SZT2: variants seen among roughly 807,000 people sequenced by gnomAD.
SZT2 encodes KICSTOR complex protein SZT2.
Under a neutral mutation model 404.2 loss-of-function variants are expected in SZT2, and 216 were observed. The ratio of observed to expected loss-of-function variants is 0.53; its 90% CI spans 0.48 to 0.60. SZT2 has a LOEUF of 0.60. SZT2 is among the 20% of genes least tolerant of loss of function. The pLI is 0.00. For synonymous variants in SZT2, 1,693 were observed against 1,749.9 expected, an observed-to-expected ratio of 0.97 and a Z score of 0.81; for missense variants, 3,857 against 4,459.2, an observed-to-expected ratio of 0.86 and a Z score of 3.85.
At chr1:43,399,686 C>A (rs565285533) in intron 1 of SZT2, among the ~76,000 whole-genome samples, 1 of 152,012 alleles carries the variant, frequency 6.6e-6, no homozygotes, top group Non-Finnish European at 1.5e-5. Flanking sequence ...TGGTCTCGAT[C>A]TCCTGACCTC....
At chr1:43,447,773 A>G (rs953152388) in intron 67 of SZT2, 75 bp downstream of exon 67, 50 of 1,610,592 alleles carry the variant, frequency 3.1e-5, no homozygotes, top group East Asian at 1.1e-4. Context: ...AGGGAGACCA[A>G]TGTTTTCTTG....
intron 4 of SZT2, among the ~76,000 whole-genome samples, chr1:43,407,633 G>T (rs1650476105): frequency 6.6e-6 from 1 of 151,946 alleles, no homozygotes; most frequent in South Asian, 2.1e-4. Context: ...TTTGAGACTA[G>T]CCTGGGCCAC....
Position 43,424,874 on chromosome 1 carries a change from C to T in SZT2, c.2550+12C>T. On this transcript the variant is annotated intron_variant, in intron 17 of 71. Coordinates refer to ENST00000634258, the MANE Select transcript of SZT2 (RefSeq NM_001365999.1). This position sits in a 1 kb window ranked among gnomAD's most constrained non-coding sequence, Gnocchi z 4.1. ...AGCTTCCAATTCAGGTACGTGCCAT[C>T]CCCCATGACACCTCCCTGCCAAGGT... The T allele has an allele frequency of 6.2e-7, 1 of 1,611,702 alleles. No individual in the cohort carries two copies. Among genetic ancestry groups the T allele is most frequent in the Non-Finnish European group, 8.5e-7 (1 of 1,177,862 alleles).
chr1:43,405,901 G>A (rs78197863), intron 4 of SZT2: 1,643 of 152,570 alleles, frequency 0.011, 17 homozygotes, highest in Non-Finnish European at 0.016. Context: ...AGATGAATCA[G>A]ACCTTGTCTT....
Position 43,442,374 on chromosome 1 carries a change from T to C in SZT2, c.7974+6T>C. The C allele has an allele frequency of 6.2e-7, 1 of 1,613,484 alleles. No homozygotes were observed. Among genetic ancestry groups the C allele is most frequent in the Non-Finnish European group, 8.5e-7 (1 of 1,179,756 alleles). On this transcript the variant is annotated splice_donor_region_variant and intron_variant, in intron 57 of 71. Transcript: ENST00000634258. This position sits in a 1 kb window ranked among gnomAD's most constrained non-coding sequence, Gnocchi z 4.5. The stretch of plus-strand genomic sequence containing the variant: ...TAGAGGTTGTGGACAAGAAGGTAAA[T>C]ATGGGGCCAGGGACTGGGTGGGAAG...
intron 4 of SZT2, among the ~76,000 whole-genome samples, chr1:43,414,031 C>T (rs1466633977): frequency 6.6e-6 from 1 of 152,064 alleles, no homozygotes; most frequent in Admixed American, 6.5e-5. Context: ...CCTGTAATCC[C>T]AGCACTTTGG....
chr1:43,430,035 C>G lies in SZT2; in HGVS notation c.4333C>G (p.Leu1445Val), dbSNP rs371241378. ...IQEKFLEISR[L>V]HFRTVPSNPH... ...GGAGAAGTTCCTAGAGATCAGTCGTCTCCACTTCCGCACAGTGCCTTCCAA... is the reference window on the plus strand; with the variant it reads ...GGAGAAGTTCCTAGAGATCAGTCGTGTCCACTTCCGCACAGTGCCTTCCAA... The change falls in exon 30 of 72, where the codon CTC becomes GTC. Residue 1445 changes from leucine to valine, a missense_variant. Around this residue, in one of 7 missense-constraint regions of SZT2, gnomAD observed 1,725 missense variants for 1,881.0 expected, o/e 0.92. Coordinates refer to ENST00000634258, the MANE Select transcript of SZT2 (RefSeq NM_001365999.1). 19 of 1,614,074 alleles carry G rather than the reference C, an allele frequency of 1.2e-5. No individual in the cohort carries two copies. Among genetic ancestry groups the G allele is most frequent in the Non-Finnish European group, 1.6e-5 (19 of 1,180,034 alleles).
chr1:43,415,354 GAC>G, intron 5 of SZT2, 141 bp downstream of exon 5: 2 of 984,248 alleles, frequency 2.0e-6, no homozygotes, highest in South Asian at 1.7e-5. Context: ...GCATGCTCAT[GAC>G]ACACTCCCTG....
chr1:43,428,570 C>T, intron 28 of SZT2, 84 bp downstream of exon 28: 1 of 1,541,886 alleles, frequency 6.5e-7, no homozygotes, highest in South Asian at 1.2e-5. Flanking sequence ...AGGGGAATGA[C>T]TGTGCAAGGT....
At position 43,435,010 on chromosome 1, in the gene SZT2, G is replaced by A. The variant is rs574231028; in HGVS notation, c.5905-190G>A. Reference sequence around the variant, plus strand: ...GTGAACAGATTCTGGCACCAAAGGGGCAAGTGTTCCTGACTGAGAATCACT... The same window carrying A: ...GTGAACAGATTCTGGCACCAAAGGGACAAGTGTTCCTGACTGAGAATCACT... On this transcript the variant is annotated intron_variant, in intron 41 of 71. Coordinates refer to ENST00000634258, the MANE Select transcript of SZT2 (RefSeq NM_001365999.1). Among the ~76,000 whole-genome samples, 3 of 152,306 alleles carry A rather than the reference G, an allele frequency of 2.0e-5. No individual in the cohort carries two copies. In the South Asian group the frequency reaches 6.2e-4, roughly 32 times the overall value.
At position 43,448,546 on chromosome 1, in the gene SZT2, G is replaced by C. The variant is rs772518910; in HGVS notation, c.9969+62G>C. ...GTGCCAGGAATTCCACTGGCAGCCA[G>C]GGCAGAGGGCACAGGAATCTGAGGT... On this transcript the variant is annotated intron_variant, in intron 69 of 71. Coordinates refer to ENST00000634258, the MANE Select transcript of SZT2 (RefSeq NM_001365999.1). This position sits in a 1 kb window ranked among gnomAD's most constrained non-coding sequence, Gnocchi z 4.2. 1.2e-6 allele frequency: 2 copies of C among 1,612,702 alleles called. No homozygotes were observed. Among genetic ancestry groups the C allele is most frequent in the South Asian group, 2.2e-5 (2 of 91,042 alleles).
In SZT2 at chr1:43,453,898, C is replaced by T; in HGVS notation, c.*3418C>T. The T allele has an allele frequency of 5.8e-6, 7 of 1,216,368 alleles. No homozygotes were observed. Among genetic ancestry groups the T allele is most frequent in the Non-Finnish European group, 7.1e-6 (7 of 979,056 alleles). The allele number at this position is 1,216,368 out of a possible 1,614,324, so 75.3% of individuals were successfully genotyped here. ...GGGCTCTCCTTGCTGGCCCTGCGAA[C>T]GAACGAGCACTGTTCGTGGTTAGAA... On this transcript the variant is annotated 3_prime_UTR_variant, in exon 72 of 72. Coordinates refer to ENST00000634258, the MANE Select transcript of SZT2 (RefSeq NM_001365999.1).
Position 43,453,705 on chromosome 1 carries a change from G to C in SZT2, c.*3225G>C. ...GGCCACCTCGACGGCCTCGAAGCCC[G>C]AGCTGCCCGCGGCCCGCACCCGCGC... On this transcript the variant is annotated 3_prime_UTR_variant, in exon 72 of 72. Transcript: ENST00000634258. 7.0e-7 allele frequency: 1 copy of C among 1,421,440 alleles called. No homozygotes were observed. Among genetic ancestry groups the C allele is most frequent in the Non-Finnish European group, 9.1e-7 (1 of 1,097,562 alleles). 88.1% of individuals were successfully genotyped at this position (1,421,440 alleles called of 1,614,324 possible).
In SZT2 at chr1:43,434,444, C is replaced by T; in HGVS notation, c.5863C>T (p.Leu1955=). The T allele has an allele frequency of 1.3e-6, 2 of 1,599,144 alleles. No individual in the cohort carries two copies. Among genetic ancestry groups the T allele is most frequent in the East Asian group, 4.5e-5 (2 of 44,416 alleles). ...GTECRHLQQL[L]VRRVGEICRE... ...TGAGTGTCGCCACCTGCAGCAGCTC[C>T]TGGTGAGGCGAGTTGGGGAGATCTG... The change falls in exon 41 of 72, where the codon CTG becomes TTG. Residue 1955 remains leucine, a synonymous_variant. Coordinates refer to ENST00000634258, the MANE Select transcript of SZT2 (RefSeq NM_001365999.1).
rs761190000 is a variant in SZT2 at position 43,448,390 on chromosome 1, G to A, written c.9875G>A (p.Arg3292Gln). Residue 3292 changes from arginine (R) to glutamine (Q), a missense_variant, in exon 69 of 72, where the codon CGA (arginine) becomes CAA (glutamine). Transcript: ENST00000634258. The surrounding 1 kb of genome is among the most constrained non-coding windows in gnomAD (Gnocchi z 4.2). Reference protein sequence around the residue: ...LFLLEPPGPDRLRLGGRLALA... With the variant: ...LFLLEPPGPDQLRLGGRLALA... ...TTGCTGGAGCCACCGGGGCCTGATC[G>A]ACTGCGGCTAGGGGGGCGCCTGGCC... 6.4e-7 allele frequency: 1 copy of A among 1,569,288 alleles called. No homozygotes were observed.
rs1349855729 is a variant in SZT2, at chr1:43,442,291, G to A, written c.7897G>A (p.Glu2633Lys). The A allele has an allele frequency of 1.2e-6, 2 of 1,613,824 alleles. No homozygotes were observed. Among genetic ancestry groups the A allele is most frequent in the Admixed American group, 1.7e-5 (1 of 59,988 alleles). The change falls in exon 57 of 72, where the codon GAG becomes AAG. Residue 2633 changes from glutamate to lysine, a missense_variant. Around this residue, in one of 7 missense-constraint regions of SZT2, gnomAD observed 573 missense variants for 592.4 expected, o/e 0.97. Transcript: ENST00000634258. The surrounding 1 kb of genome is among the most constrained non-coding windows in gnomAD (Gnocchi z 4.5). ...AGCTGCCAAAGCCATGCAGCGCTTC[G>A]AGCCAGGAGGTGATGGGAGCTCAGG... ...QQAAKAMQRF[E>K]PGGDGSSGRN... is the part of the protein sequence containing the mutation.
Position 43,424,125 on chromosome 1 carries a change from G to T in SZT2, c.2256-92G>T. The T allele has an allele frequency of 9.0e-7, 1 of 1,111,920 alleles. No homozygotes were observed. The highest frequency in any genetic ancestry group is 1.3e-6 in the Non-Finnish European group (1 of 776,658). 68.9% of individuals were successfully genotyped at this position (1,111,920 alleles called of 1,614,324 possible). A position where few individuals can be genotyped will look rare whatever the true frequency, so the allele number is the denominator to read the frequency against. Reference sequence around the variant, plus strand: ...GTGGTACAGAGGTGTGGAAGGGCGTGGCTTAGCCAGCTGTGAGTGGTACAG... The same window carrying T: ...GTGGTACAGAGGTGTGGAAGGGCGTTGCTTAGCCAGCTGTGAGTGGTACAG... On this transcript the variant is annotated intron_variant, in intron 15 of 71. Coordinates refer to ENST00000634258, the MANE Select transcript of SZT2 (RefSeq NM_001365999.1). This position sits in a 1 kb window ranked among gnomAD's most constrained non-coding sequence, Gnocchi z 4.1.
intron 39 of SZT2, 21 bp from the exon 40 acceptor site, chr1:43,432,968 C>T (rs760074022): frequency 6.2e-7 from 1 of 1,613,372 alleles, no homozygotes; most frequent in South Asian, 1.1e-5. Context: ...ATGGGATTGA[C>T]CTTCAATGCA....
At chr1:43,414,493 C>T (rs535874733) in intron 4 of SZT2, among the ~76,000 whole-genome samples, 2 of 152,170 alleles carry the variant, frequency 1.3e-5, no homozygotes, top group East Asian at 3.9e-4. Flanking sequence ...GTGATCTCTG[C>T]TCACTGCAAC....
Sources: gnomAD v4.1 joint callset for allele counts (sites outside exome capture counted in the v4.1 genomes callset) on GRCh38, gnomAD v4.1.1 for gene constraint, gnomAD v4.1.1 regional missense constraint, Gnocchi (gnomAD v3.1) non-coding constraint, MANE v1.5 for transcripts, NCBI Gene and HGNC (gene_info 2026-07-23, HGNC 2026-07-21) for gene names.